The following FAM234A variants were observed in gnomAD, a reference collection of about 807,000 sequenced individuals.
The protein encoded by FAM234A is protein FAM234A.
FAM234A carries 42 observed loss-of-function variants against 49.1 expected under a neutral mutation model. The observed-to-expected ratio is 0.86, with a 90% confidence interval of 0.67 to 1.11. FAM234A has a LOEUF of 1.11. Among genes scored for constraint, FAM234A ranks in the 50% least tolerant of loss-of-function variants. FAM234A has a pLI of 0.00. For synonymous variants in FAM234A, 369 were observed against 316.2 expected (o/e 1.17, Z -1.77); for missense variants, 815 against 745.2 (o/e 1.09, Z -1.09).
rs142622840 is a variant in FAM234A at position 242,394 on chromosome 16, A to G, written c.-139-7155A>G. Among the ~76,000 whole-genome samples, 5 of 152,124 alleles carry G rather than the reference A, an allele frequency of 3.3e-5. No homozygotes were observed. The East Asian group carries it at 9.6e-4, about 29-fold the overall frequency. ...CATACCCACCTAATTTTGTATTTTT[A>G]GTAGAGTCGGGGTTTCACCATGTTG... On this transcript the variant is annotated intron_variant, in intron 1 of 12. Coordinates refer to ENST00000399932, the MANE Select transcript of FAM234A (RefSeq NM_032039.4).
rs114884354 is a variant in FAM234A at position 254,316 on chromosome 16, C to T, written c.-33-65C>T. ...CCAAGAAGCCGACGCCAGCAGACCC[C>T]TCTGTGCTGCAGCTTTGTGCCGTGG... On this transcript the variant is annotated intron_variant, in intron 2 of 12. Transcript: ENST00000399932. The T allele has an allele frequency of 3.6e-3, 4,975 of 1,397,134 alleles. 163 individuals carry two copies. In the African/African-American group the frequency reaches 0.065, roughly 18 times the overall value. The allele number at this position is 1,397,134 out of a possible 1,614,324, so 86.5% of individuals were successfully genotyped here.
chr16:236,108 A>C (rs1438958130), intron 1 of FAM234A, among the ~76,000 whole-genome samples: 2 of 151,872 alleles, frequency 1.3e-5, no homozygotes, highest in African/African-American at 4.8e-5. Flanking sequence ...GCCCGCCACC[A>C]CACCCAGCTA....
chr16:235,207 G>A (rs971114783), intron 1 of FAM234A, among the ~76,000 whole-genome samples: 1 of 152,238 alleles, frequency 6.6e-6, no homozygotes, highest in African/African-American at 2.4e-5. Context: ...CGCAGCGTAG[G>A]TGAGCCGGCC....
rs1247146612 is a variant in FAM234A, at chr16:261,372, G to A, written c.578-12G>A. 1 of 1,604,570 alleles carries A rather than the reference G, an allele frequency of 6.2e-7. No homozygotes were observed. The highest frequency in any genetic ancestry group is 2.2e-5 in the East Asian group (1 of 44,564). Reference sequence around the variant, plus strand: ...TCAGGGCCACGTTCCGTGACCGTGTGCTTGATTCTAGGGGAAACCCTGTGG... The same window carrying A: ...TCAGGGCCACGTTCCGTGACCGTGTACTTGATTCTAGGGGAAACCCTGTGG... On this transcript the variant is annotated splice_polypyrimidine_tract_variant and intron_variant, in intron 5 of 12. Transcript: ENST00000399932.
At chr16:269,153 G>A, downstream of FAM234A, 1 of 941,900 alleles carries the variant, frequency 1.1e-6, no homozygotes, top group Non-Finnish European at 1.7e-6. Context: ...TGGGCACAAG[G>A]GGACACTGGT....
chr16:265,629 C>G lies in FAM234A; in HGVS notation c.*607C>G. The G allele has an allele frequency of 1.0e-6, 1 of 985,588 alleles. No individual in the cohort carries two copies. Among genetic ancestry groups the G allele is most frequent in the Non-Finnish European group, 1.2e-6 (1 of 830,112 alleles). 61.1% of individuals were successfully genotyped at this position (985,588 alleles called of 1,614,324 possible). A position where few individuals can be genotyped will look rare whatever the true frequency, so the allele number is the denominator to read the frequency against. On this transcript the variant is annotated 3_prime_UTR_variant, in exon 13 of 13. Transcript: ENST00000399932. ...GGGGGGTGTGACTTGGTTCCTTTGA[C>G]CAGGTCCTGTGAGGAAGCCTGGAGC...
rs1439914780 is a variant in FAM234A at position 263,403 on chromosome 16, G to A, written c.1112+1G>A. 3 of 1,608,868 alleles carry A rather than the reference G, an allele frequency of 1.9e-6. No homozygotes were observed. Among genetic ancestry groups the A allele is most frequent in the Admixed American group, 3.3e-5 (2 of 59,982 alleles). Reference sequence around the variant, plus strand: ...CACCCAAGGCAGCCCATGTCCTGAGGTACAGGGTTTCCCCAAGGACCGCGC... The same window carrying A: ...CACCCAAGGCAGCCCATGTCCTGAGATACAGGGTTTCCCCAAGGACCGCGC... On this transcript the variant is annotated splice_donor_variant, in intron 9 of 12. Coordinates refer to ENST00000399932, the MANE Select transcript of FAM234A (RefSeq NM_032039.4). LOFTEE classifies it high-confidence loss of function.
intron 4 of FAM234A, 45 bp from the exon 5 acceptor site, chr16:259,924 T>TGCCC: frequency 1.9e-6 from 3 of 1,567,740 alleles, no homozygotes; most frequent in Non-Finnish European, 2.6e-6. Flanking sequence ...CCGGCCTGCC[T>TGCCC]GCCCAGATGG....
At chr16:268,759 C>T (rs1025131168), downstream of FAM234A, 51 of 1,548,736 alleles carry the variant, frequency 3.3e-5, no homozygotes, top group Middle Eastern at 3.3e-4. Context: ...ACGGCACTCT[C>T]TTGGGTCCTC....
At chr16:252,471 C>T (rs1324922529) in intron 2 of FAM234A, among the ~76,000 whole-genome samples, 1 of 152,118 alleles carries the variant, frequency 6.6e-6, no homozygotes, top group Non-Finnish European at 1.5e-5. Context: ...CGTGAGCCAC[C>T]GTGCCCGGCC....
downstream of FAM234A, among the ~76,000 whole-genome samples, chr16:266,279 C>T (rs1165995774): frequency 6.6e-6 from 1 of 152,234 alleles, no homozygotes; most frequent in Non-Finnish European, 1.5e-5. Context: ...AGAAACTGGG[C>T]ACCCAGCAAT....
chr16:263,678 C>A, intron 9 of FAM234A, 22 bp from the exon 10 acceptor site: 1 of 1,590,842 alleles, frequency 6.3e-7, no homozygotes, highest in Non-Finnish European at 8.6e-7. Flanking sequence ...CCCTCGTGAG[C>A]GCTTCCTCCA....
rs1490981500 is a variant in FAM234A, at chr16:264,187, T to C, written c.1344+16T>C. ...CAGCGAGACGGTACGGGAGCCACCC[T>C]CGGAGCAGCCATGCTGGGAGCCGGG... On this transcript the variant is annotated intron_variant, in intron 11 of 12. Coordinates refer to ENST00000399932, the MANE Select transcript of FAM234A (RefSeq NM_032039.4). 5.7e-6 allele frequency: 9 copies of C among 1,585,520 alleles called. No individual in the cohort carries two copies. In the East Asian group the frequency reaches 2.0e-4, roughly 36 times the overall value.
intron 1 of FAM234A, among the ~76,000 whole-genome samples, chr16:242,788 A>G (rs897127703): frequency 2.0e-5 from 3 of 150,782 alleles, no homozygotes; most frequent in African/African-American, 7.3e-5. Flanking sequence ...AATTTTTTGT[A>G]TTTTTAGTAG....
At chr16:260,496 C>T in intron 5 of FAM234A, 1 of 494,870 alleles carries the variant, frequency 2.0e-6, no homozygotes, top group Non-Finnish European at 4.1e-6. Flanking sequence ...TCAGTGGTGG[C>T]AGTGCCCAGG....
At chr16:238,679 T>C (rs1337961382) in intron 1 of FAM234A, among the ~76,000 whole-genome samples, 1 of 135,160 alleles carries the variant, frequency 7.4e-6, no homozygotes, top group Non-Finnish European at 1.5e-5. Flanking sequence ...GGCAGGAGAA[T>C]GGCGTGAACC....
chr16:263,258 C>G lies in FAM234A; in HGVS notation c.972-4C>G, dbSNP rs914357374. 3.2e-5 allele frequency: 51 copies of G among 1,612,136 alleles called. No individual in the cohort carries two copies. In the Admixed American group the frequency reaches 7.5e-4, roughly 24 times the overall value. On this transcript the variant is annotated splice_region_variant and splice_polypyrimidine_tract_variant and intron_variant, in intron 8 of 12. Coordinates refer to ENST00000399932, the MANE Select transcript of FAM234A (RefSeq NM_032039.4). ...GCGCCCCTTTCTCCCACTCTCCTGT[C>G]TAGCTCTGGAGCAGTGCGCTACCTG... is the stretch of plus-strand genomic sequence containing the variant.
intron 1 of FAM234A, among the ~76,000 whole-genome samples, chr16:239,301 A>T (rs2050528428): frequency 7.2e-6 from 1 of 139,286 alleles, no homozygotes; most frequent in Admixed American, 7.4e-5. Flanking sequence ...CTCTGACTCA[A>T]GAAAATAAAA....
Position 264,730 on chromosome 16 carries a change from C to T in FAM234A, c.1447+14C>T, listed in dbSNP as rs776154231. 7.5e-6 allele frequency: 12 copies of T among 1,609,276 alleles called. 1 individual carries two copies. The highest frequency in any genetic ancestry group is 4.4e-5 in the South Asian group (4 of 91,052). ...TCGCCTTTGACGGTGAGTGTGGCCT[C>T]GGCCAGGGACCCGGGTGTTCCGCGG... On this transcript the variant is annotated intron_variant, in intron 12 of 12. Coordinates refer to ENST00000399932, the MANE Select transcript of FAM234A (RefSeq NM_032039.4).
Sources: allele counts gnomAD v4.1 joint callset (sites outside exome capture counted in the v4.1 genomes callset), GRCh38; gene constraint gnomAD v4.1.1; transcripts MANE v1.5; gene names NCBI Gene and HGNC (gene_info 2026-07-23, HGNC 2026-07-21).